Variants in CLVS1 observed in about 807,000 individuals in gnomAD.
The protein encoded by CLVS1 is clavesin 1.
CLVS1 carries 10 observed loss-of-function variants against 33.1 expected under a neutral mutation model. The ratio of observed to expected loss-of-function variants is 0.30; its 90% CI spans 0.19 to 0.51. The LOEUF (loss-of-function observed/expected upper bound fraction) is 0.51. CLVS1 is among the 20% of genes least tolerant of loss of function. CLVS1 has a pLI of 0.97. For synonymous variants in CLVS1, 163 were observed against 166.1 expected, an observed-to-expected ratio of 0.98 and a Z score of 0.14; for missense variants, 343 against 433.4, an observed-to-expected ratio of 0.79 and a Z score of 1.85.
At chr8:61,139,286 C>A (rs1430738926) in intron 2 of CLVS1, among the ~76,000 whole-genome samples, 1 of 152,218 alleles carries the variant, frequency 6.6e-6, no homozygotes, top group African/African-American at 2.4e-5. Context: ...ACCCCAGCTC[C>A]GTGGCGGCTC....
intron 1 of CLVS1, among the ~76,000 whole-genome samples, chr8:61,111,371 T>C (rs1805625768): frequency 6.6e-6 from 1 of 152,208 alleles, no homozygotes; most frequent in South Asian, 2.1e-4. Context: ...TTTCCCAAAA[T>C]GATGAGTCAA....
intron 2 of CLVS1, among the ~76,000 whole-genome samples, chr8:61,208,919 A>G (rs2129306818): frequency 6.6e-6 from 1 of 152,194 alleles, no homozygotes; most frequent in Non-Finnish European, 1.5e-5. Flanking sequence ...TTCCTCATAA[A>G]TCCTCTTGGA....
chr8:61,128,308 G>T (rs186420689), intron 1 of CLVS1, among the ~76,000 whole-genome samples: 36 of 152,248 alleles, frequency 2.4e-4, no homozygotes, highest in Non-Finnish European at 4.1e-4. Context: ...CCAGTCATGT[G>T]GGTTATGTTT....
In CLVS1 at chr8:61,122,027, C is replaced by T. The variant is rs182099603; in HGVS notation, c.-242-9743C>T. Among the ~76,000 whole-genome samples the T allele has an allele frequency of 2.4e-4, 37 of 152,312 alleles. No individual in the cohort carries two copies. In the East Asian group the frequency reaches 6.9e-3, roughly 29 times the overall value. ...CATTACAATACCTGTAGATTAAACA[C>T]CACCACCACTGGATTTGGTGAACAT... is the stretch of plus-strand genomic sequence containing the variant. On this transcript the variant is annotated intron_variant, in intron 1 of 2. Coordinates refer to the CLVS1 transcript ENST00000522621.
At chr8:61,273,031 T>G (rs977868372) in intron 2 of CLVS1, among the ~76,000 whole-genome samples, 17 of 151,294 alleles carry the variant, frequency 1.1e-4, no homozygotes, top group African/African-American at 3.7e-4. Context: ...GTTCCGTTGC[T>G]GGTGAGGAAC....
chr8:61,201,876 G>A (rs932347020), intron 2 of CLVS1, among the ~76,000 whole-genome samples: 6 of 152,268 alleles, frequency 3.9e-5, no homozygotes, highest in East Asian at 3.9e-4. Context: ...GGGTACACTC[G>A]CCAGCAGTTT....
chr8:61,058,383 C>T (rs984387895), intron 1 of CLVS1, among the ~76,000 whole-genome samples: 4 of 152,154 alleles, frequency 2.6e-5, no homozygotes, highest in African/African-American at 9.7e-5. Flanking sequence ...TTGACAGGAA[C>T]CTTTCTTTTA....
In CLVS1 at chr8:61,113,016, G is replaced by A. The variant is rs73685727; in HGVS notation, c.-242-18754G>A. ...AACTATCACTTCTGCATTGACTGCTGTATTGCTATGGCATCTGGAGCATTG... is the reference window on the plus strand; with the variant it reads ...AACTATCACTTCTGCATTGACTGCTATATTGCTATGGCATCTGGAGCATTG... On this transcript the variant is annotated intron_variant, in intron 1 of 2. Transcript: ENST00000522621. Among the ~76,000 whole-genome samples, 855 of 152,288 alleles carry A rather than the reference G, an allele frequency of 5.6e-3. 5 individuals are homozygous for A. The highest frequency in any genetic ancestry group is 0.018 in the African/African-American group (757 of 41,564).
the CLVS1 span, among the ~76,000 whole-genome samples, chr8:61,046,587 C>A: frequency 6.7e-6 from 1 of 149,834 alleles, no homozygotes; most frequent in Admixed American, 6.6e-5. Context: ...GGCAGTATGG[C>A]CATTTTCACG....
intron 1 of CLVS1, 57 bp from the exon 2 acceptor site, chr8:61,299,620 C>A: frequency 1.8e-6 from 1 of 544,506 alleles, no homozygotes; most frequent in Non-Finnish European, 3.2e-6. Flanking sequence ...ATTAATTTGC[C>A]CAGACTTTCT....
At chr8:61,212,917 C>T (rs2931334) in intron 2 of CLVS1, among the ~76,000 whole-genome samples, 97,404 of 151,940 alleles carry the variant, frequency 0.64, 33,929 homozygotes, top group East Asian at 0.97. Context: ...GTGCCAGTGT[C>T]GGGGACAGGT....
At chr8:61,227,686 T>C (rs1279759156) in intron 2 of CLVS1, among the ~76,000 whole-genome samples, 1 of 152,224 alleles carries the variant, frequency 6.6e-6, no homozygotes, top group Non-Finnish European at 1.5e-5. Flanking sequence ...CTCATCTCGC[T>C]CTCTGTCAAA....
In CLVS1 at chr8:61,392,842, C is replaced by CA. The variant is rs570764748; in HGVS notation, c.630+16071dup. Among the ~76,000 whole-genome samples the CA allele has an allele frequency of 5.3e-3, 799 of 149,582 alleles. 1 individual carries two copies. Among genetic ancestry groups the CA allele is most frequent in the Non-Finnish European group, 8.4e-3 (571 of 67,700 alleles). On this transcript the variant is annotated intron_variant, in intron 3 of 5. Transcript: ENST00000325897. ...TGGGTGACAGAGCAAGACTCTGTCT[C>CA]AAAAAAAACATATATTTTAAATCAT...
chr8:61,075,395 C>A (rs866447436), intron 1 of CLVS1, among the ~76,000 whole-genome samples: 2 of 152,156 alleles, frequency 1.3e-5, no homozygotes, highest in Non-Finnish European at 2.9e-5. Flanking sequence ...ACCATAAGCA[C>A]CCTCCAGTGT....
chr8:61,004,588 C>T, the CLVS1 span, among the ~76,000 whole-genome samples: 4 of 152,192 alleles, frequency 2.6e-5, no homozygotes, highest in Admixed American at 2.0e-4. Context: ...GAGAGCCAGT[C>T]CCCAGGATGG....
chr8:61,241,194 A>T (rs1363489526), intron 2 of CLVS1, among the ~76,000 whole-genome samples: 1 of 152,190 alleles, frequency 6.6e-6, no homozygotes, highest in Admixed American at 6.6e-5. Flanking sequence ...GTCTATAGCA[A>T]TATCCTTTAT....
the CLVS1 span, among the ~76,000 whole-genome samples, chr8:61,038,107 T>C: frequency 9.2e-5 from 14 of 152,182 alleles, no homozygotes; most frequent in African/African-American, 1.2e-4. Flanking sequence ...TCCTAGTTGC[T>C]GAGTGTGACT....
At chr8:61,467,560 A>G (rs1817590798) in intron 5 of CLVS1, among the ~76,000 whole-genome samples, 1 of 152,190 alleles carries the variant, frequency 6.6e-6, no homozygotes, top group Non-Finnish European at 1.5e-5. Context: ...CACGGGTACA[A>G]ATCCTGGACG....
At chr8:61,082,760 A>G (rs1035783223) in intron 1 of CLVS1, among the ~76,000 whole-genome samples, 7 of 152,186 alleles carry the variant, frequency 4.6e-5, no homozygotes, top group African/African-American at 1.4e-4. Flanking sequence ...AAAGGAAGGG[A>G]TAGGCCAGGT....
Sources: allele counts gnomAD v4.1 joint callset (sites outside exome capture counted in the v4.1 genomes callset), GRCh38; gene constraint gnomAD v4.1.1; transcripts MANE v1.5; gene names NCBI Gene and HGNC (gene_info 2026-07-23, HGNC 2026-07-21).